The following GRIA4 variants were observed in gnomAD, a reference collection of about 807,000 sequenced individuals.
GRIA4 encodes glutamate receptor 4.
GRIA4 carries 34 observed loss-of-function variants against 104.0 expected under a neutral mutation model. That is an observed-to-expected ratio of 0.33 (90% CI 0.25 to 0.44). GRIA4 has a LOEUF of 0.44. GRIA4 is among the 20% of genes least tolerant of loss of function. The pLI, the probability that GRIA4 is intolerant of heterozygous loss-of-function variation, is 1.00. For missense variants in GRIA4, 750 were observed against 1,096.5 expected (o/e 0.68, Z 4.46); for synonymous variants, 386 against 381.9 (o/e 1.01, Z -0.13).
At chr11:105,798,792 A>G (rs1942598523) in intron 4 of GRIA4, among the ~76,000 whole-genome samples, 1 of 152,152 alleles carries the variant, frequency 6.6e-6, no homozygotes, top group Non-Finnish European at 1.5e-5. Context: ...CAACCAGAAA[A>G]CAGAATTGTC....
chr11:105,903,613 G>A (rs1946942352), intron 7 of GRIA4, among the ~76,000 whole-genome samples: 1 of 152,118 alleles, frequency 6.6e-6, no homozygotes, highest in Non-Finnish European at 1.5e-5. Flanking sequence ...TTTTAAGTCA[G>A]GATGATAAGA....
At chr11:105,867,068 T>G (rs1945445455) in intron 5 of GRIA4, among the ~76,000 whole-genome samples, 2 of 152,112 alleles carry the variant, frequency 1.3e-5, no homozygotes, top group African/African-American at 4.8e-5. Context: ...TTTCATTATA[T>G]GAAAGGGAAT....
At chr11:105,789,565 G>T (rs1246657726) in intron 4 of GRIA4, among the ~76,000 whole-genome samples, 3 of 152,076 alleles carry the variant, frequency 2.0e-5, no homozygotes, top group African/African-American at 7.2e-5. Flanking sequence ...CCTTGGTGCT[G>T]GATCTGAAGG....
intron 4 of GRIA4, among the ~76,000 whole-genome samples, chr11:105,755,885 C>T (rs1245771291): frequency 6.6e-6 from 1 of 152,124 alleles, no homozygotes; most frequent in Non-Finnish European, 1.5e-5. Context: ...GGTACTTATG[C>T]CATCCATCCT....
At chr11:105,669,471 C>T (rs1952290612) in intron 3 of GRIA4, among the ~76,000 whole-genome samples, 1 of 152,084 alleles carries the variant, frequency 6.6e-6, no homozygotes, top group Non-Finnish European at 1.5e-5. Context: ...ACGATCACAT[C>T]TCCATGCTAA....
chr11:105,898,305 G>T lies in GRIA4; in HGVS notation c.763G>T (p.Gly255Cys). Residue 255 changes from glycine to cysteine, a missense_variant, in exon 7 of 17, where the codon GGT becomes TGT. Transcript: ENST00000282499. ...KDISLERFIH[G>C]GANVTGFQLV... ...TATTTCTCTTGAGAGGTTTATACAT[G>T]GTGGAGCCAATGTTACTGGATTCCA... 6.4e-7 allele frequency: 1 copy of T among 1,567,646 alleles called. No individual in the cohort carries two copies. The highest frequency in any genetic ancestry group is 8.8e-7 in the Non-Finnish European group (1 of 1,138,120).
At chr11:105,666,232 TC>T (rs1397413209) in intron 3 of GRIA4, among the ~76,000 whole-genome samples, 1 of 152,022 alleles carries the variant, frequency 6.6e-6, no homozygotes, top group African/African-American at 2.4e-5. Flanking sequence ...TTTATAAATT[TC>T]TATTGATTGT....
chr11:105,690,734 T>C (rs1335878593), intron 3 of GRIA4, among the ~76,000 whole-genome samples: 2 of 152,198 alleles, frequency 1.3e-5, no homozygotes, highest in African/African-American at 2.4e-5. Flanking sequence ...CACCCACCCA[T>C]GCTGGGTAGT....
intron 4 of GRIA4, among the ~76,000 whole-genome samples, chr11:105,857,463 C>T (rs1945047967): frequency 6.6e-6 from 1 of 152,134 alleles, no homozygotes; most frequent in Non-Finnish European, 1.5e-5. Flanking sequence ...GCCATGTTCC[C>T]TTTTCAGGCT....
At chr11:105,798,661 T>C (rs1267848409) in intron 4 of GRIA4, among the ~76,000 whole-genome samples, 1 of 152,098 alleles carries the variant, frequency 6.6e-6, no homozygotes, top group Non-Finnish European at 1.5e-5. Context: ...ATGGTTGAAC[T>C]GGCACTAGGA....
intron 3 of GRIA4, among the ~76,000 whole-genome samples, chr11:105,714,895 G>A (rs778851726): frequency 6.6e-5 from 10 of 151,892 alleles, no homozygotes; most frequent in Non-Finnish European, 1.2e-4. Context: ...TCTAGGTTAG[G>A]TTCACTAATG....
chr11:105,873,394 T>C (rs546630022), intron 5 of GRIA4, among the ~76,000 whole-genome samples: 23 of 152,246 alleles, frequency 1.5e-4, no homozygotes, highest in Non-Finnish European at 3.4e-4. Context: ...CGTGTGCATG[T>C]GTCTTTACAG....
intron 4 of GRIA4, among the ~76,000 whole-genome samples, chr11:105,818,971 A>C (rs1478269849): frequency 6.6e-6 from 1 of 152,134 alleles, no homozygotes; most frequent in Non-Finnish European, 1.5e-5. Flanking sequence ...TCATGACCAC[A>C]CCTTTTATAC....
intron 3 of GRIA4, among the ~76,000 whole-genome samples, chr11:105,714,613 A>T (rs1231365812): frequency 1.3e-5 from 2 of 152,092 alleles, no homozygotes; most frequent in African/African-American, 4.8e-5. Context: ...TCATCTTAGG[A>T]GATATATTTT....
chr11:105,777,552 A>T (rs1195034292), intron 4 of GRIA4, among the ~76,000 whole-genome samples: 2 of 152,202 alleles, frequency 1.3e-5, no homozygotes, highest in East Asian at 3.8e-4. Context: ...ACACATGACC[A>T]TTCAAGAAAA....
At chr11:105,799,874 T>G (rs1942642329) in intron 4 of GRIA4, among the ~76,000 whole-genome samples, 1 of 152,098 alleles carries the variant, frequency 6.6e-6, no homozygotes. Flanking sequence ...AAAGGCAGAA[T>G]AGTTTGTTTC....
At chr11:105,969,803 A>T (rs1366654303) in intron 14 of GRIA4, among the ~76,000 whole-genome samples, 1 of 152,194 alleles carries the variant, frequency 6.6e-6, no homozygotes, top group Non-Finnish European at 1.5e-5. Flanking sequence ...TCTGGATTCA[A>T]AAATCTTGCT....
Position 105,851,778 on chromosome 11 carries a change from C to T in GRIA4, c.488-10246C>T, listed in dbSNP as rs569324914. Among the ~76,000 whole-genome samples, 31 of 152,326 alleles carry T rather than the reference C, an allele frequency of 2.0e-4. 1 individual carries two copies. Among genetic ancestry groups the T allele is most frequent in the Admixed American group, 2.0e-3 (31 of 15,294 alleles). ...TTGGGAAGATAAACATCCATCCCTC[C>T]TGTCACCACTCCTGGTCATTTCTAT... is the stretch of plus-strand genomic sequence containing the variant. On this transcript the variant is annotated intron_variant, in intron 4 of 16. Transcript: ENST00000282499.
At chr11:105,791,560 C>T (rs1274488847) in intron 4 of GRIA4, among the ~76,000 whole-genome samples, 1 of 152,122 alleles carries the variant, frequency 6.6e-6, no homozygotes, top group African/African-American at 2.4e-5. Context: ...TTACCAGTTT[C>T]TAAATGTGCC....
Sources: gnomAD v4.1 joint callset for allele counts (sites outside exome capture counted in the v4.1 genomes callset) on GRCh38, gnomAD v4.1.1 for gene constraint, MANE v1.5 for transcripts, NCBI Gene and HGNC (gene_info 2026-07-23, HGNC 2026-07-21) for gene names.